Variants in GXYLT2 observed in about 807,000 individuals in gnomAD.
GXYLT2 encodes glucoside xylosyltransferase 2.
Under a neutral mutation model 45.8 loss-of-function variants are expected in GXYLT2, and 53 were observed. That is an observed-to-expected ratio of 1.16 (90% CI 0.93 to 1.46). The LOEUF (loss-of-function observed/expected upper bound fraction) is 1.46. Among genes scored for constraint, GXYLT2 ranks in the 40% most tolerant of loss-of-function variants. The pLI is 0.00. For missense variants in GXYLT2, 551 were observed against 544.4 expected (o/e 1.01, Z -0.12); for synonymous variants, 219 against 214.2 (o/e 1.02, Z -0.19).
At chr3:72,933,799 G>C (rs549135966) in intron 3 of GXYLT2, among the ~76,000 whole-genome samples, 6 of 152,066 alleles carry the variant, frequency 3.9e-5, no homozygotes, top group Non-Finnish European at 7.3e-5. Flanking sequence ...AGCCTGGGGG[G>C]GCCGAGCTTG....
At chr3:72,969,839 T>C (rs890301535) in intron 6 of GXYLT2, among the ~76,000 whole-genome samples, 3 of 148,904 alleles carry the variant, frequency 2.0e-5, no homozygotes, top group African/African-American at 7.4e-5. Context: ...GAACAGGCTT[T>C]GGTAGAAGTG....
At chr3:72,913,240 G>T (rs1209059053) in intron 2 of GXYLT2, among the ~76,000 whole-genome samples, 2 of 150,500 alleles carry the variant, frequency 1.3e-5, no homozygotes, top group Non-Finnish European at 3.0e-5. Context: ...GGGTTTCACC[G>T]TGTTAGCCAG....
intron 3 of GXYLT2, among the ~76,000 whole-genome samples, chr3:72,930,013 A>G (rs909340846): frequency 7.2e-5 from 11 of 151,844 alleles, no homozygotes; most frequent in Non-Finnish European, 1.5e-4. Context: ...CTAAAAATAC[A>G]AAATTAGCTG....
rs763769913 is a variant in GXYLT2, at chr3:72,976,123, G to A, written c.*964G>A. On this transcript the variant is annotated 3_prime_UTR_variant, in exon 7 of 7. Coordinates refer to ENST00000389617, the MANE Select transcript of GXYLT2 (RefSeq NM_001080393.2). ...ATTTTTGTATTTTTAGTAGAGACAC[G>A]GTTTTACCATGTTGGCCAGGCTGGT... is the stretch of plus-strand genomic sequence containing the variant. 6 of 151,786 alleles carry A rather than the reference G, an allele frequency of 4.0e-5. No individual in the cohort carries two copies. The highest frequency in any genetic ancestry group is 1.3e-4 in the Admixed American group (2 of 15,192). The allele number at this position is 151,786 out of a possible 1,614,324, so 9.4% of individuals were successfully genotyped here. A position where few individuals can be genotyped will look rare whatever the true frequency, so the allele number is the denominator to read the frequency against.
intron 3 of GXYLT2, among the ~76,000 whole-genome samples, chr3:72,936,722 A>G (rs1331911068): frequency 6.6e-6 from 1 of 152,208 alleles, no homozygotes; most frequent in Admixed American, 6.5e-5. Flanking sequence ...TTCCAGGAAA[A>G]ACACTTGTAC....
intron 1 of GXYLT2, among the ~76,000 whole-genome samples, chr3:72,904,768 T>C (rs993309239): frequency 6.0e-5 from 9 of 150,920 alleles, no homozygotes; most frequent in Non-Finnish European, 1.0e-4. Flanking sequence ...CGGCCAGGCA[T>C]GGTGGCTCAC....
At position 72,976,418 on chromosome 3, in the gene GXYLT2, A is replaced by G. The variant is rs1302325187; in HGVS notation, c.*1259A>G. 5 of 152,228 alleles carry G rather than the reference A, an allele frequency of 3.3e-5. No homozygotes were observed. The highest frequency in any genetic ancestry group is 1.2e-4 in the African/African-American group (5 of 41,458). 9.4% of individuals were successfully genotyped at this position (152,228 alleles called of 1,614,324 possible). A position where few individuals can be genotyped will look rare whatever the true frequency, so the allele number is the denominator to read the frequency against. On this transcript the variant is annotated 3_prime_UTR_variant, in exon 7 of 7. Transcript: ENST00000389617. The stretch of plus-strand genomic sequence containing the variant: ...TCTCTCTTTCTTAAACTCTTGGGCA[A>G]TGGGTGGAAATCAGAGACCAACTTC...
In GXYLT2 at chr3:72,966,377, T is replaced by C. The variant is rs187599825; in HGVS notation, c.977-1170T>C. 4.1e-4 allele frequency among the ~76,000 whole-genome samples: 62 copies of C among 151,560 alleles called. No individual in the cohort carries two copies. In the East Asian group the frequency reaches 9.5e-3, roughly 23 times the overall value. On this transcript the variant is annotated intron_variant, in intron 5 of 6. Transcript: ENST00000389617. ...TACTTTAATCTTGACTCCTCTTTTT[T>C]AGTTCTGTCCATTTTATAAAACCTT... is the stretch of plus-strand genomic sequence containing the variant.
intron 3 of GXYLT2, among the ~76,000 whole-genome samples, chr3:72,927,436 G>T (rs1709940104): frequency 6.6e-6 from 1 of 152,098 alleles, no homozygotes; most frequent in South Asian, 2.1e-4. Flanking sequence ...CCGGTAACTG[G>T]TTCTAATGTT....
At chr3:72,894,524 T>C (rs1388206348) in intron 1 of GXYLT2, among the ~76,000 whole-genome samples, 1 of 152,344 alleles carries the variant, frequency 6.6e-6, no homozygotes, top group Middle Eastern at 3.4e-3. Flanking sequence ...AGAGACTATA[T>C]GGTAAATGTA....
chr3:72,894,671 C>T (rs1366661710), intron 1 of GXYLT2, among the ~76,000 whole-genome samples: 1 of 152,234 alleles, frequency 6.6e-6, no homozygotes, highest in Non-Finnish European at 1.5e-5. Context: ...AACATCTGAG[C>T]CCTCGTCCTG....
At chr3:72,907,625 A>G (rs946544290) in intron 1 of GXYLT2, among the ~76,000 whole-genome samples, 2 of 152,030 alleles carry the variant, frequency 1.3e-5, no homozygotes, top group African/African-American at 2.4e-5. Flanking sequence ...CTTGGACCCT[A>G]TCCCTCTGTC....
At chr3:72,924,589 A>G (rs924006328) in intron 3 of GXYLT2, among the ~76,000 whole-genome samples, 1 of 151,992 alleles carries the variant, frequency 6.6e-6, no homozygotes, top group Non-Finnish European at 1.5e-5. Context: ...TAGAGAAGAC[A>G]CTCTGGTTTA....
chr3:72,910,132 TA>T (rs1262804920), intron 2 of GXYLT2, among the ~76,000 whole-genome samples: 1 of 152,184 alleles, frequency 6.6e-6, no homozygotes, highest in Non-Finnish European at 1.5e-5. Context: ...AGGGAAATGA[TA>T]ATGAGAATAT....
At chr3:72,910,958 G>A (rs1333205377) in intron 2 of GXYLT2, among the ~76,000 whole-genome samples, 1 of 152,126 alleles carries the variant, frequency 6.6e-6, no homozygotes, top group African/African-American at 2.4e-5. Flanking sequence ...GCAAGGATGT[G>A]GGGATGGAGC....
At chr3:72,950,678 G>A (rs1710505479) in intron 3 of GXYLT2, among the ~76,000 whole-genome samples, 1 of 151,958 alleles carries the variant, frequency 6.6e-6, no homozygotes. Context: ...CATAGTTAGT[G>A]GTGGAAATGG....
chr3:72,931,018 A>G (rs1483577156), intron 3 of GXYLT2, among the ~76,000 whole-genome samples: 2 of 152,274 alleles, frequency 1.3e-5, no homozygotes, highest in East Asian at 3.9e-4. Context: ...CCAGTAGAAT[A>G]CGTTCTTGTG....
intron 2 of GXYLT2, among the ~76,000 whole-genome samples, chr3:72,919,641 G>C (rs1485217398): frequency 6.6e-6 from 1 of 152,246 alleles, no homozygotes; most frequent in African/African-American, 2.4e-5. Context: ...TATAATTCCA[G>C]CTACTCAGGA....
chr3:72,900,488 C>T (rs984185192), intron 1 of GXYLT2, among the ~76,000 whole-genome samples: 1 of 152,076 alleles, frequency 6.6e-6, no homozygotes, highest in African/African-American at 2.4e-5. Context: ...AATCTCGGCT[C>T]ACTGCAACCT....
Sources: allele counts gnomAD v4.1 joint callset (sites outside exome capture counted in the v4.1 genomes callset), GRCh38; gene constraint gnomAD v4.1.1; transcripts MANE v1.5; gene names NCBI Gene and HGNC (gene_info 2026-07-23, HGNC 2026-07-21).